CADPS2: variants seen among roughly 807,000 people sequenced by gnomAD.
The protein encoded by CADPS2 is calcium dependent secretion activator 2.
A neutral mutation model predicts 172.5 loss-of-function variants in CADPS2; 93 were observed. The ratio of observed to expected loss-of-function variants is 0.54; its 90% CI spans 0.46 to 0.64. The LOEUF (loss-of-function observed/expected upper bound fraction) is 0.64. Among genes scored for constraint, CADPS2 ranks in the 30% least tolerant of loss-of-function variants. CADPS2 has a pLI of 0.00. For missense variants in CADPS2, 1,420 were observed against 1,565.9 expected (o/e 0.91, Z 1.57); for synonymous variants, 546 against 555.2 (o/e 0.98, Z 0.23).
intron 1 of CADPS2, among the ~76,000 whole-genome samples, chr7:122,840,393 C>T (rs1005284217): frequency 4.6e-5 from 7 of 151,458 alleles, no homozygotes; most frequent in African/African-American, 1.5e-4. Context: ...CAAACCTGCA[C>T]GTTTTGCACA....
At chr7:122,577,372 C>G (rs576810259) in intron 7 of CADPS2, among the ~76,000 whole-genome samples, 1 of 152,236 alleles carries the variant, frequency 6.6e-6, no homozygotes, top group South Asian at 2.1e-4. Context: ...TCTTGGCAAA[C>G]TCGCAACTGT....
At chr7:122,496,645 G>A (rs1367651874) in intron 9 of CADPS2, among the ~76,000 whole-genome samples, 2 of 152,050 alleles carry the variant, frequency 1.3e-5, no homozygotes, top group Non-Finnish European at 2.9e-5. Flanking sequence ...TTAGAAGTAT[G>A]TTTTTAAGTT....
At chr7:122,725,387 G>GTGGA (rs945009757) in intron 2 of CADPS2, among the ~76,000 whole-genome samples, 13 of 151,826 alleles carry the variant, frequency 8.6e-5, no homozygotes, top group Non-Finnish European at 1.5e-4. Context: ...GTGTGTATAT[G>GTGGA]TGGATGGATG....
intron 6 of CADPS2, among the ~76,000 whole-genome samples, chr7:122,597,574 A>T (rs1271705934): frequency 6.6e-6 from 1 of 152,160 alleles, no homozygotes; most frequent in African/African-American, 2.4e-5. Flanking sequence ...CTGCTTAAGT[A>T]GAAACCATAG....
At chr7:122,837,758 A>C (rs1046438667) in intron 1 of CADPS2, among the ~76,000 whole-genome samples, 1 of 152,220 alleles carries the variant, frequency 6.6e-6, no homozygotes, top group Non-Finnish European at 1.5e-5. Flanking sequence ...ATAGACCAAT[A>C]ACAGGCTCTG....
At chr7:122,784,405 G>A (rs935666948) in intron 1 of CADPS2, among the ~76,000 whole-genome samples, 3 of 152,136 alleles carry the variant, frequency 2.0e-5, no homozygotes, top group African/African-American at 7.2e-5. Context: ...GCACTCATGT[G>A]TTAAGATTTA....
chr7:122,517,097 AT>A (rs1413462956), intron 8 of CADPS2, among the ~76,000 whole-genome samples: 1 of 151,936 alleles, frequency 6.6e-6, no homozygotes, highest in East Asian at 1.9e-4. Context: ...TTGATTTCTG[AT>A]TTTATAATTT....
intron 3 of CADPS2, among the ~76,000 whole-genome samples, chr7:122,662,594 T>C (rs547771566): frequency 1.8e-4 from 27 of 152,254 alleles, no homozygotes; most frequent in African/African-American, 6.3e-4. Flanking sequence ...CACGATGGTC[T>C]CAATCTCCTG....
chr7:122,885,086 G>T (rs1382803342), intron 1 of CADPS2, among the ~76,000 whole-genome samples: 1 of 152,124 alleles, frequency 6.6e-6, no homozygotes, highest in Non-Finnish European at 1.5e-5. Context: ...AACCTTCCAG[G>T]TTCAGCATTC....
chr7:122,627,300 A>T (rs1255858483), intron 4 of CADPS2, among the ~76,000 whole-genome samples: 1 of 152,224 alleles, frequency 6.6e-6, no homozygotes, highest in Non-Finnish European at 1.5e-5. Context: ...GTCAATTGTT[A>T]TTAGGCTTAA....
intron 1 of CADPS2, among the ~76,000 whole-genome samples, chr7:122,764,406 A>G (rs952327944): frequency 1.3e-5 from 2 of 152,150 alleles, no homozygotes; most frequent in Non-Finnish European, 2.9e-5. Context: ...AGATTTGTTC[A>G]TTAATTTGAA....
chr7:122,604,330 C>T (rs144717804), intron 6 of CADPS2, among the ~76,000 whole-genome samples: 334 of 152,206 alleles, frequency 2.2e-3, no homozygotes, highest in Admixed American at 6.4e-3. Context: ...TTGCTCTCTA[C>T]AGCAACACTC....
Position 122,886,307 on chromosome 7 carries a change from A to G in CADPS2, c.31T>C (p.Ser11Pro), listed in dbSNP as rs565826072. Residue 11 changes from serine (S) to proline (P), a missense_variant, in exon 1 of 30, where the codon TCG becomes CCG. Physicochemically the swap from Ser to Pro is moderately conservative, Grantham distance 74. Coordinates refer to ENST00000449022, the MANE Select transcript of CADPS2 (RefSeq NM_017954.11). MLDPSSSEEE[S>P]DEGLEEESRD... ...CTTTCCTCTTCCAGCCCCTCGTCCG[A>G]CTCCTCTTCGCTGGAAGACGGGTCC... is the stretch of plus-strand genomic sequence containing the variant. The G allele has an allele frequency of 7.4e-5, 111 of 1,500,954 alleles. 2 individuals are homozygous for G. The highest frequency in any genetic ancestry group is 7.2e-4 in the South Asian group (58 of 80,842). The allele number at this position is 1,500,954 out of a possible 1,614,324, so 93.0% of individuals were successfully genotyped here.
intron 28 of CADPS2, among the ~76,000 whole-genome samples, chr7:122,329,683 G>A (rs763507869): frequency 1.3e-5 from 2 of 152,016 alleles, no homozygotes; most frequent in Admixed American, 6.5e-5. Context: ...AATATAACAC[G>A]TATTGCCTGG....
intron 3 of CADPS2, among the ~76,000 whole-genome samples, chr7:122,657,641 A>AT (rs1296221336): frequency 6.6e-6 from 1 of 152,052 alleles, no homozygotes; most frequent in Admixed American, 6.6e-5. Flanking sequence ...AATGCTTGTG[A>AT]TTTTTGCACA....
At chr7:122,819,279 C>A (rs1802422514) in intron 1 of CADPS2, among the ~76,000 whole-genome samples, 1 of 152,268 alleles carries the variant, frequency 6.6e-6, no homozygotes, top group Non-Finnish European at 1.5e-5. Context: ...TGGGACCCCA[C>A]TGAAAATCGG....
chr7:122,850,263 G>A (rs1213692687), intron 1 of CADPS2: 2 of 912,826 alleles, frequency 2.2e-6, no homozygotes, highest in Non-Finnish European at 3.0e-6. Context: ...GCTCCACTGG[G>A]GGCCCCAGGA....
Position 122,426,212 on chromosome 7 carries a change from G to A in CADPS2, c.2477-10048C>T, listed in dbSNP as rs1383347397. The A allele has an allele frequency of 2.0e-5, 3 of 152,224 alleles. No individual in the cohort carries two copies. The East Asian group carries it at 5.8e-4, about 29-fold the overall frequency. 9.4% of individuals were successfully genotyped at this position (152,224 alleles called of 1,614,324 possible). A position where few individuals can be genotyped will look rare whatever the true frequency, so the allele number is the denominator to read the frequency against. ...AGTCAAAAGATCTCAATGTCTGCAT[G>A]TATGTCTTTGTTTCCTTTGATACAT... is the stretch of plus-strand genomic sequence containing the variant. On this transcript the variant is annotated intron_variant, in intron 17 of 29. Coordinates refer to ENST00000449022, the MANE Select transcript of CADPS2 (RefSeq NM_017954.11).
intron 9 of CADPS2, among the ~76,000 whole-genome samples, chr7:122,505,069 C>G (rs774635815): frequency 5.9e-5 from 9 of 152,056 alleles, no homozygotes; most frequent in Non-Finnish European, 7.4e-5. Flanking sequence ...AAAATTATTG[C>G]TTTCTTAAAA....
Sources: gnomAD v4.1 joint callset for allele counts (sites outside exome capture counted in the v4.1 genomes callset) on GRCh38, gnomAD v4.1.1 for gene constraint, MANE v1.5 for transcripts, NCBI Gene and HGNC (gene_info 2026-07-23, HGNC 2026-07-21) for gene names.